The following SH3RF3 variants were observed in gnomAD, a reference collection of about 807,000 sequenced individuals.
The protein encoded by SH3RF3 is SH3 domain containing ring finger 3.
Under a neutral mutation model 66.3 loss-of-function variants are expected in SH3RF3, and 29 were observed. That is an observed-to-expected ratio of 0.44 (90% CI 0.33 to 0.60). The LOEUF is 0.60. Among genes scored for constraint, SH3RF3 ranks in the 20% least tolerant of loss-of-function variants. The probability of loss-of-function intolerance (pLI) is 0.04; values close to 1 mark genes in which losing one functional copy is unlikely to be tolerated. For missense variants in SH3RF3, 1,194 were observed against 1,190.9 expected, an observed-to-expected ratio of 1.00 and a Z score of -0.04; for synonymous variants, 583 against 532.0, an observed-to-expected ratio of 1.10 and a Z score of -1.32.
intron 1 of SH3RF3, among the ~76,000 whole-genome samples, chr2:109,201,097 C>T (rs1678661462): frequency 1.3e-5 from 2 of 152,226 alleles, no homozygotes; most frequent in Non-Finnish European, 2.9e-5. Flanking sequence ...AGTTCTCTCC[C>T]CTGTCCCTCA....
intron 3 of SH3RF3, among the ~76,000 whole-genome samples, chr2:109,392,505 C>G (rs547379967): frequency 6.6e-6 from 1 of 151,954 alleles, no homozygotes; most frequent in South Asian, 2.1e-4. Context: ...CACCAGGCCC[C>G]TTGCTTCTTC....
intron 1 of SH3RF3, among the ~76,000 whole-genome samples, chr2:109,292,884 C>G (rs927099212): frequency 2.6e-5 from 4 of 152,152 alleles, no homozygotes; most frequent in Admixed American, 2.0e-4. Flanking sequence ...AGGTGTGCAC[C>G]AGCATGCCTG....
chr2:109,135,685 TTG>T (rs1213949121), intron 1 of SH3RF3, among the ~76,000 whole-genome samples: 1 of 152,070 alleles, frequency 6.6e-6, no homozygotes, highest in East Asian at 1.9e-4. Flanking sequence ...TGTGTGTGTG[TTG>T]TGAGTCTGAT....
chr2:109,483,265 G>A (rs558715188), intron 8 of SH3RF3, among the ~76,000 whole-genome samples: 4 of 152,286 alleles, frequency 2.6e-5, no homozygotes, highest in South Asian at 2.1e-4. Flanking sequence ...CTTGCAACCC[G>A]AGAGCCAGAC....
intron 2 of SH3RF3, among the ~76,000 whole-genome samples, chr2:109,366,914 C>T (rs190269483): frequency 6.6e-6 from 1 of 152,226 alleles, no homozygotes. Context: ...GGAAGGTAAG[C>T]TGAAATACCA....
chr2:109,430,705 G>A (rs1282707097), intron 5 of SH3RF3, among the ~76,000 whole-genome samples: 1 of 152,176 alleles, frequency 6.6e-6, no homozygotes, highest in African/African-American at 2.4e-5. Context: ...ATCACACCCT[G>A]GTTTCTCTCC....
chr2:109,412,353 C>T (rs2104491677), intron 4 of SH3RF3, among the ~76,000 whole-genome samples: 1 of 152,362 alleles, frequency 6.6e-6, no homozygotes, highest in South Asian at 2.1e-4. Context: ...AGGCAGGCCA[C>T]CCTCCCAGTG....
At chr2:109,193,446 G>C (rs972789145) in intron 1 of SH3RF3, among the ~76,000 whole-genome samples, 1 of 152,182 alleles carries the variant, frequency 6.6e-6, no homozygotes, top group Admixed American at 6.5e-5. Context: ...TGTCACCCCA[G>C]CTCTGGGCAA....
Position 109,443,227 on chromosome 2 carries a change from C to T in SH3RF3, c.1829-5943C>T, listed in dbSNP as rs1677618163. On this transcript the variant is annotated intron_variant, in intron 7 of 9. Transcript: ENST00000309415. Reference sequence around the variant, plus strand: ...ATTTGACAAAAGAGAAAATGAGGTTCAGAAGGATTAAGTGGCTGACCTGAG... The same window carrying T: ...ATTTGACAAAAGAGAAAATGAGGTTTAGAAGGATTAAGTGGCTGACCTGAG... 2.0e-5 allele frequency among the ~76,000 whole-genome samples: 3 copies of T among 152,218 alleles called. No homozygotes were observed. In the South Asian group the frequency reaches 6.2e-4, roughly 32 times the overall value.
At chr2:109,206,490 CAAA>C (rs36060217) in intron 1 of SH3RF3, among the ~76,000 whole-genome samples, 2 of 40,756 alleles carry the variant, frequency 4.9e-5, no homozygotes, top group African/African-American at 2.0e-4. Flanking sequence ...GACTCCGTCT[CAAA>C]AAAAAAAAAA....
chr2:109,454,116 AAGAG>A (rs1321019663), intron 8 of SH3RF3, among the ~76,000 whole-genome samples: 7 of 152,348 alleles, frequency 4.6e-5, no homozygotes, highest in Middle Eastern at 3.4e-3. Context: ...ATGGTGAGAT[AAGAG>A]AGAGAAGAAA....
intron 1 of SH3RF3, among the ~76,000 whole-genome samples, chr2:109,196,801 G>T (rs776482558): frequency 9.2e-5 from 14 of 152,150 alleles, no homozygotes; most frequent in Non-Finnish European, 1.9e-4. Flanking sequence ...AATAGCATAC[G>T]GTCTGACTGC....
chr2:109,166,739 T>C (rs1206048265), intron 1 of SH3RF3, among the ~76,000 whole-genome samples: 1 of 152,230 alleles, frequency 6.6e-6, no homozygotes, highest in African/African-American at 2.4e-5. Context: ...CCACATCTTA[T>C]TGGTGATTGC....
intron 1 of SH3RF3, among the ~76,000 whole-genome samples, chr2:109,260,929 T>C (rs1680338578): frequency 6.6e-6 from 1 of 152,172 alleles, no homozygotes; most frequent in Admixed American, 6.5e-5. Flanking sequence ...GGAAGGCCAC[T>C]CTGTTTACAA....
chr2:109,305,050 C>T (rs186903968), intron 1 of SH3RF3, among the ~76,000 whole-genome samples: 15 of 152,280 alleles, frequency 9.9e-5, no homozygotes, highest in Admixed American at 6.5e-4. Context: ...GGGTTTGTTG[C>T]GGTTCCCCGT....
intron 9 of SH3RF3, among the ~76,000 whole-genome samples, chr2:109,492,797 C>T (rs1679163806): frequency 2.0e-5 from 3 of 152,064 alleles, no homozygotes; most frequent in Admixed American, 2.0e-4. Context: ...CCTGTGTAGT[C>T]ACAGGGCCTA....
intron 1 of SH3RF3, among the ~76,000 whole-genome samples, chr2:109,196,205 G>T (rs560857826): frequency 1.3e-5 from 2 of 152,198 alleles, no homozygotes; most frequent in African/African-American, 2.4e-5. Flanking sequence ...GTCCACCCTT[G>T]AGGCCATGTC....
chr2:109,347,202 C>T (rs1471144036), intron 1 of SH3RF3, among the ~76,000 whole-genome samples: 1 of 152,174 alleles, frequency 6.6e-6, no homozygotes, highest in Non-Finnish European at 1.5e-5. Flanking sequence ...AGACTAAAAT[C>T]CCTGAGAAAT....
At chr2:109,459,018 A>G (rs1298020700) in intron 8 of SH3RF3, among the ~76,000 whole-genome samples, 6 of 152,142 alleles carry the variant, frequency 3.9e-5, no homozygotes, top group Non-Finnish European at 8.8e-5. Flanking sequence ...GCAAAGTCAT[A>G]CTTCTGCCTA....
Sources: allele counts gnomAD v4.1 joint callset (sites outside exome capture counted in the v4.1 genomes callset), GRCh38; gene constraint gnomAD v4.1.1; transcripts MANE v1.5; gene names NCBI Gene and HGNC (gene_info 2026-07-23, HGNC 2026-07-21).